The following DTWD2 variants were observed in gnomAD, a reference collection of about 807,000 sequenced individuals.
DTWD2 encodes DTW motif tRNA-uridine aminocarboxypropyltransferase 2, also known as tRNA-uridine aminocarboxypropyltransferase 2.
A neutral mutation model predicts 31.8 loss-of-function variants in DTWD2; 39 were observed. The ratio of observed to expected loss-of-function variants is 1.22; its 90% CI spans 0.95 to 1.60. The LOEUF is 1.60. DTWD2 is among the 40% of genes most tolerant of loss of function. DTWD2 has a pLI of 0.00. For missense variants in DTWD2, 515 were observed against 381.5 expected (o/e 1.35, Z -2.92); for synonymous variants, 180 against 142.8 (o/e 1.26, Z -1.86).
chr5:118,912,116 T>G (rs1310263921), intron 4 of DTWD2, among the ~76,000 whole-genome samples: 7 of 152,304 alleles, frequency 4.6e-5, no homozygotes, highest in Middle Eastern at 6.8e-3. Flanking sequence ...AGACATAACG[T>G]AAGCTAGCAG....
rs1021318860 is a variant in DTWD2, at chr5:118,901,583, T to C, written c.597+26954A>G. ...TTAGAGTATATTAGAGTATACCACA[T>C]GGGCTTAAAAGAAAAAGAAAATCTT... On this transcript the variant is annotated intron_variant, in intron 4 of 5. Coordinates refer to ENST00000510708, the MANE Select transcript of DTWD2 (RefSeq NM_173666.4). Among the ~76,000 whole-genome samples the C allele has an allele frequency of 5.9e-5, 9 of 152,236 alleles. No individual in the cohort carries two copies. In the East Asian group the frequency reaches 1.5e-3, roughly 26 times the overall value.
At chr5:118,953,189 TAGTG>T (rs1485593344) in intron 1 of DTWD2, among the ~76,000 whole-genome samples, 2 of 152,192 alleles carry the variant, frequency 1.3e-5, no homozygotes, top group East Asian at 1.9e-4. Context: ...ATGATGCTGC[TAGTG>T]AGTAAGGAGT....
At chr5:118,973,596 G>C (rs928066541) in intron 1 of DTWD2, among the ~76,000 whole-genome samples, 16 of 139,942 alleles carry the variant, frequency 1.1e-4, no homozygotes, top group African/African-American at 5.2e-4. Context: ...TCTTTGCATT[G>C]TTCCTCGTCC....
intron 4 of DTWD2, among the ~76,000 whole-genome samples, chr5:118,851,868 G>C (rs1038212805): frequency 2.0e-5 from 3 of 151,690 alleles, no homozygotes; most frequent in African/African-American, 7.3e-5. Flanking sequence ...AAAGAAAACA[G>C]GGTTCAAGAG....
At chr5:118,902,113 A>G (rs1580796180) in intron 4 of DTWD2, among the ~76,000 whole-genome samples, 1 of 152,192 alleles carries the variant, frequency 6.6e-6, no homozygotes, top group African/African-American at 2.4e-5. Flanking sequence ...ACATATCACT[A>G]TATCTAGTGA....
At chr5:118,978,883 G>A (rs1580453853) in intron 1 of DTWD2, among the ~76,000 whole-genome samples, 3 of 152,212 alleles carry the variant, frequency 2.0e-5, no homozygotes, top group Admixed American at 2.0e-4. Flanking sequence ...GTGCACACAT[G>A]TAGTCCCAGC....
In DTWD2 at chr5:118,870,932, CTT is replaced by C. The variant is rs200142394; in HGVS notation, c.598-22716_598-22715del. Among the ~76,000 whole-genome samples the C allele has an allele frequency of 4.1e-3, 618 of 149,098 alleles. 7 individuals carry two copies. The highest frequency in any genetic ancestry group is 0.029 in the East Asian group (150 of 5,132). ...TAATATTCTAAATCTTATATAATAA[CTT>C]ATATAATATATAATGTACATATAAC... On this transcript the variant is annotated intron_variant, in intron 4 of 5. Coordinates refer to ENST00000510708, the MANE Select transcript of DTWD2 (RefSeq NM_173666.4).
intron 2 of DTWD2, among the ~76,000 whole-genome samples, chr5:118,942,672 T>C (rs1754233020): frequency 6.6e-6 from 1 of 151,930 alleles, no homozygotes; most frequent in South Asian, 2.1e-4. Flanking sequence ...AACATTAATA[T>C]TGCCACAAAT....
intron 4 of DTWD2, among the ~76,000 whole-genome samples, chr5:118,903,764 G>A (rs1324134616): frequency 2.6e-5 from 4 of 151,864 alleles, no homozygotes; most frequent in East Asian, 1.9e-4. Context: ...AAAAAGTTAC[G>A]AGGGGCAACA....
intron 1 of DTWD2, among the ~76,000 whole-genome samples, chr5:118,984,270 C>A (rs1470345675): frequency 1.3e-5 from 2 of 150,516 alleles, no homozygotes; most frequent in Non-Finnish European, 3.0e-5. Context: ...GCCTGGGCAA[C>A]AAGAGCAAAA....
intron 1 of DTWD2, among the ~76,000 whole-genome samples, chr5:118,945,364 C>T (rs1235564512): frequency 6.6e-6 from 1 of 152,116 alleles, no homozygotes; most frequent in Non-Finnish European, 1.5e-5. Flanking sequence ...TATTCTCTTC[C>T]TTTAGGGGCA....
At chr5:118,976,374 C>T (rs1755159887) in intron 1 of DTWD2, among the ~76,000 whole-genome samples, 1 of 151,872 alleles carries the variant, frequency 6.6e-6, no homozygotes, top group Admixed American at 6.6e-5. Flanking sequence ...ACAAAAAAAC[C>T]CTTCAAAAAA....
chr5:118,924,208 C>A (rs55671162), intron 4 of DTWD2, among the ~76,000 whole-genome samples: 40,933 of 152,078 alleles, frequency 0.27, 9,789 homozygotes, highest in African/African-American at 0.65. Context: ...ATGTCATATC[C>A]TACTGGAAGT....
At chr5:118,988,069 G>T in intron 1 of DTWD2, 1 of 716,674 alleles carries the variant, frequency 1.4e-6, no homozygotes, top group Non-Finnish European at 2.5e-6. Context: ...CCCATGATAC[G>T]CTCAGCATAT....
At chr5:118,865,757 A>C (rs904637853) in intron 4 of DTWD2, among the ~76,000 whole-genome samples, 6 of 152,212 alleles carry the variant, frequency 3.9e-5, no homozygotes, top group African/African-American at 1.2e-4. Context: ...GATTCACAAT[A>C]AACACTCCAA....
At chr5:118,939,541 T>C (rs1257905545) in intron 2 of DTWD2, among the ~76,000 whole-genome samples, 1 of 152,152 alleles carries the variant, frequency 6.6e-6, no homozygotes, top group East Asian at 1.9e-4. Flanking sequence ...CATTAATATA[T>C]ATAATGATTA....
Position 118,974,180 on chromosome 5 carries a change from C to T in DTWD2, c.218+14114G>A. The T allele has an allele frequency of 9.8e-6, 14 of 1,427,402 alleles. 1 individual carries two copies. The highest frequency in any genetic ancestry group is 4.8e-4 in the Middle Eastern group (2 of 4,154). 88.4% of individuals were successfully genotyped at this position (1,427,402 alleles called of 1,614,324 possible). ...AAAAAGGCCGCCTTGACCTATTCAC[C>T]CTCCACTTCCCGTCTCAGAATCTAA... On this transcript the variant is annotated intron_variant, in intron 1 of 5. Coordinates refer to ENST00000510708, the MANE Select transcript of DTWD2 (RefSeq NM_173666.4).
At chr5:118,869,236 T>G (rs933772793) in intron 4 of DTWD2, among the ~76,000 whole-genome samples, 2 of 152,148 alleles carry the variant, frequency 1.3e-5, no homozygotes, top group Admixed American at 6.6e-5. Flanking sequence ...CACAACTTTT[T>G]TTACAAAGCA....
At chr5:118,959,000 C>T (rs1444264074) in intron 1 of DTWD2, among the ~76,000 whole-genome samples, 1 of 152,060 alleles carries the variant, frequency 6.6e-6, no homozygotes, top group Non-Finnish European at 1.5e-5. Context: ...TCATACTGAA[C>T]GGGCAAAAAC....
Sources: allele counts gnomAD v4.1 joint callset (sites outside exome capture counted in the v4.1 genomes callset), GRCh38; gene constraint gnomAD v4.1.1; transcripts MANE v1.5; gene names NCBI Gene and HGNC (gene_info 2026-07-23, HGNC 2026-07-21).